The following DNAJB14 variants were observed in gnomAD, a reference collection of about 807,000 sequenced individuals.
DNAJB14 encodes DnaJ heat shock protein family (Hsp40) member B14.
In DNAJB14, 22 loss-of-function variants were observed where a neutral mutation model predicts 48.4. The observed-to-expected ratio is 0.45, with a 90% CI of 0.32 to 0.65. The LOEUF is 0.65. Among genes scored for constraint, DNAJB14 ranks in the 30% least tolerant of loss-of-function variants. The pLI, the probability that DNAJB14 is intolerant of heterozygous loss-of-function variation, is 0.03. For missense variants in DNAJB14, 319 were observed against 458.8 expected (o/e 0.70, Z 2.78); for synonymous variants, 142 against 158.7 (o/e 0.89, Z 0.79).
At chr4:99,937,042 C>A (rs1332897408) in intron 1 of DNAJB14, among the ~76,000 whole-genome samples, 1 of 152,172 alleles carries the variant, frequency 6.6e-6, no homozygotes, top group African/African-American at 2.4e-5. Flanking sequence ...CATCGCCAGG[C>A]GCAGTGGCTC....
intron 1 of DNAJB14, among the ~76,000 whole-genome samples, chr4:99,938,852 T>C (rs1234481799): frequency 6.6e-6 from 1 of 152,180 alleles, no homozygotes; most frequent in Non-Finnish European, 1.5e-5. Flanking sequence ...TGCTAGTTTT[T>C]GGAGAATGAA....
intron 5 of DNAJB14, 127 bp downstream of exon 5, chr4:99,906,390 C>T: frequency 3.9e-6 from 4 of 1,030,426 alleles, no homozygotes; most frequent in Non-Finnish European, 5.6e-6. Context: ...TTTCTAGTCT[C>T]TACCAAACAC....
In DNAJB14 at chr4:99,939,368, T is replaced by A. The variant is rs187762610; in HGVS notation, c.133+7071A>T. 5.3e-3 allele frequency among the ~76,000 whole-genome samples: 802 copies of A among 152,230 alleles called. 9 individuals carry two copies. The highest frequency in any genetic ancestry group is 0.019 in the African/African-American group (769 of 41,532). On this transcript the variant is annotated intron_variant, in intron 1 of 7. Transcript: ENST00000442697. ...CAGAGCGAGACTCCATCTCAAAAAA[T>A]TTTTTTAAATGAAATAAAATAAAAC...
chr4:99,932,361 A>G (rs1726506566), intron 1 of DNAJB14, among the ~76,000 whole-genome samples: 2 of 152,170 alleles, frequency 1.3e-5, no homozygotes, highest in Non-Finnish European at 2.9e-5. Context: ...ATCTGAATAG[A>G]CAATTTCTCC....
At chr4:99,922,887 C>A in intron 3 of DNAJB14, 153 bp downstream of exon 3, 1 of 803,404 alleles carries the variant, frequency 1.2e-6, no homozygotes, top group African/African-American at 1.8e-5. Flanking sequence ...CGGGTATAAC[C>A]AGTTAATACT....
chr4:99,925,149 C>T (rs1726205156), intron 2 of DNAJB14: 1 of 271,064 alleles, frequency 3.7e-6, no homozygotes, highest in African/African-American at 2.2e-5. Context: ...TATTTACATA[C>T]AACCTTTACA....
In DNAJB14 at chr4:99,946,281, G is replaced by T. The variant is rs533410895; in HGVS notation, c.133+158C>A. ...GGAGCCGGGGCTGGGGCCAGGGCGGGGGTGTGTCGGGATGCTCCCCACCGG... is the reference window on the plus strand; with the variant it reads ...GGAGCCGGGGCTGGGGCCAGGGCGGTGGTGTGTCGGGATGCTCCCCACCGG... On this transcript the variant is annotated intron_variant, in intron 1 of 7. Coordinates refer to ENST00000442697, the MANE Select transcript of DNAJB14 (RefSeq NM_001031723.4). 4.3e-3 allele frequency among the ~76,000 whole-genome samples: 656 copies of T among 152,264 alleles called. 3 individuals are homozygous for T. Among genetic ancestry groups the T allele is most frequent in the South Asian group, 0.014 (69 of 4,820 alleles).
chr4:99,921,871 A>T (rs1256851554), intron 3 of DNAJB14, among the ~76,000 whole-genome samples: 2 of 152,166 alleles, frequency 1.3e-5, no homozygotes, highest in Non-Finnish European at 2.9e-5. Flanking sequence ...AAGTGCTATT[A>T]TCTGTGTTTT....
intron 1 of DNAJB14, 79 bp from the exon 2 acceptor site, chr4:99,930,700 G>C (rs921406509): frequency 1.4e-5 from 20 of 1,426,368 alleles, no homozygotes; most frequent in Non-Finnish European, 1.5e-5. Context: ...TTTTAAAGCA[G>C]ACAAATTATG....
intron 2 of DNAJB14, chr4:99,929,406 T>C (rs943922207): frequency 6.6e-6 from 1 of 152,180 alleles, no homozygotes; most frequent in African/African-American, 2.4e-5. Flanking sequence ...GAATCGTTTT[T>C]TCTCATTGTA....
At chr4:99,914,500 G>T (rs995704779) in intron 3 of DNAJB14, among the ~76,000 whole-genome samples, 3 of 152,170 alleles carry the variant, frequency 2.0e-5, no homozygotes, top group South Asian at 4.2e-4. Context: ...GTTGTGGGGT[G>T]GGGGGAGTGG....
intron 1 of DNAJB14, 71 bp downstream of exon 1, chr4:99,946,368 G>C: frequency 6.5e-7 from 1 of 1,548,544 alleles, no homozygotes. Flanking sequence ...GAGGGGCCGA[G>C]GTGGGGGCAG....
Position 99,900,780 on chromosome 4 carries a change from TTTAG to T in DNAJB14, c.*244_*247del, listed in dbSNP as rs1454626374. 4 of 312,438 alleles carry T rather than the reference TTTAG, an allele frequency of 1.3e-5. No individual in the cohort carries two copies. Among genetic ancestry groups the T allele is most frequent in the Admixed American group, 4.9e-5 (1 of 20,302 alleles). The allele number at this position is 312,438 out of a possible 1,614,324, so 19.4% of individuals were successfully genotyped here. On this transcript the variant is annotated 3_prime_UTR_variant, in exon 8 of 8. Coordinates refer to ENST00000442697, the MANE Select transcript of DNAJB14 (RefSeq NM_001031723.4). ...GTGTGATAATCCTTTCTCATGACAC[TTTAG>T]TTAGGAATCATGTAAGCTTTTAAAA...
intron 3 of DNAJB14, among the ~76,000 whole-genome samples, chr4:99,910,955 T>C (rs1725638734): frequency 6.6e-6 from 1 of 152,078 alleles, no homozygotes; most frequent in Non-Finnish European, 1.5e-5. Context: ...ATATTGACAC[T>C]GATATAGTCA....
intron 3 of DNAJB14, among the ~76,000 whole-genome samples, chr4:99,910,568 G>GA (rs1725622827): frequency 6.6e-6 from 1 of 151,602 alleles, no homozygotes; most frequent in African/African-American, 2.4e-5. Context: ...TCCTTTTTTA[G>GA]AAAAAATAAT....
chr4:99,930,515 G>A lies in DNAJB14; in HGVS notation c.240C>T (p.Asp80=). ...GDQSKPNCTK[D]STSGSGEGGK... ...CACCTTCACCACTACCAGATGTGCTGTCCTTTGTGCAATTAGGCTTGCTTT... is the reference window on the plus strand; with the variant it reads ...CACCTTCACCACTACCAGATGTGCTATCCTTTGTGCAATTAGGCTTGCTTT... The change falls in exon 2 of 8, where the codon GAC becomes GAT. Residue 80 remains aspartate, a synonymous_variant. Transcript: ENST00000442697. 6.2e-7 allele frequency: 1 copy of A among 1,612,642 alleles called. No individual in the cohort carries two copies. Among genetic ancestry groups the A allele is most frequent in the Non-Finnish European group, 8.5e-7 (1 of 1,179,206 alleles).
At chr4:99,939,290 A>C (rs574640784) in intron 1 of DNAJB14, among the ~76,000 whole-genome samples, 1 of 152,326 alleles carries the variant, frequency 6.6e-6, no homozygotes, top group Non-Finnish European at 1.5e-5. Flanking sequence ...TGAACCCGGG[A>C]GATGGAGGTT....
At chr4:99,938,097 CAAAAAAAAAAAAAAAAA>C (rs59597113) in intron 1 of DNAJB14, among the ~76,000 whole-genome samples, 20 of 40,978 alleles carry the variant, frequency 4.9e-4, no homozygotes, top group African/African-American at 1.5e-3. Flanking sequence ...GTTAAAAATA[CAAAAAAAAAAAAAAAAA>C]AAAAAAAAAA....
At chr4:99,906,372 C>T in intron 5 of DNAJB14, 145 bp downstream of exon 5, 1 of 950,608 alleles carries the variant, frequency 1.1e-6, no homozygotes, top group Non-Finnish European at 1.5e-6. Flanking sequence ...TACAATGTCC[C>T]TAAGGATTTT....
Sources: allele counts gnomAD v4.1 joint callset (sites outside exome capture counted in the v4.1 genomes callset), GRCh38; gene constraint gnomAD v4.1.1; transcripts MANE v1.5; gene names NCBI Gene and HGNC (gene_info 2026-07-23, HGNC 2026-07-21).